Variants in FRMPD2 observed in about 807,000 individuals in gnomAD.
FRMPD2 encodes the protein FERM and PDZ domain-containing protein 2.
In FRMPD2, 96 loss-of-function variants were observed where a neutral mutation model predicts 140.1. The ratio of observed to expected loss-of-function variants is 0.69; its 90% confidence interval spans 0.58 to 0.81. The LOEUF (loss-of-function observed/expected upper bound fraction) is 0.81. Among genes scored for constraint, FRMPD2 ranks in the 40% least tolerant of loss-of-function variants. The pLI is 0.00. For synonymous variants in FRMPD2, 449 were observed against 547.6 expected (o/e 0.82, Z 2.52); for missense variants, 1,240 against 1,447.4 (o/e 0.86, Z 2.32).
At chr10:48,202,211 C>T (rs1444405931) in intron 14 of FRMPD2, among the ~76,000 whole-genome samples, 1 of 152,030 alleles carries the variant, frequency 6.6e-6, no homozygotes, top group Admixed American at 6.6e-5. Context: ...CAAATAAAAT[C>T]TTCATTCTAG....
chr10:48,251,762 C>T, intron 1 of FRMPD2, 71 bp from the exon 2 acceptor site: 1 of 1,580,644 alleles, frequency 6.3e-7, no homozygotes, highest in Non-Finnish European at 8.7e-7. Context: ...GTACTCGCCA[C>T]TCTGGTGCAG....
At chr10:48,205,468 A>G (rs959851020) in intron 14 of FRMPD2, among the ~76,000 whole-genome samples, 2 of 152,258 alleles carry the variant, frequency 1.3e-5, no homozygotes, top group Admixed American at 1.3e-4. Context: ...ATTACTTTTT[A>G]GGTTACCTGC....
chr10:48,240,480 C>T lies in FRMPD2; in HGVS notation c.580G>A (p.Val194Ile), dbSNP rs1458671122. The T allele has an allele frequency of 6.8e-6, 11 of 1,613,806 alleles. No homozygotes were observed. Among genetic ancestry groups the T allele is most frequent in the Non-Finnish European group, 9.3e-6 (11 of 1,180,020 alleles). Residue 194 changes from valine to isoleucine, a missense_variant, in exon 6 of 29, where the codon GTT (valine) becomes ATT (isoleucine). Transcript: ENST00000374201. ...TGCACAGAGGAGCTTTCCTCCACAA[C>T]TCTTTTCTCCACCTGGGGGTCAAGT... ...LGTISEVEKR[V>I]VEESSSVQQN... is the part of the protein sequence containing the mutation.
chr10:48,264,396 A>T (rs972425143), intron 1 of FRMPD2, among the ~76,000 whole-genome samples: 1 of 152,114 alleles, frequency 6.6e-6, no homozygotes, highest in East Asian at 1.9e-4. Flanking sequence ...TGAACAAAAA[A>T]CCTCCTAAAA....
chr10:48,176,075 T>A (rs1352721923), intron 22 of FRMPD2, 136 bp from the exon 23 acceptor site: 2 of 653,266 alleles, frequency 3.1e-6, no homozygotes, highest in Non-Finnish European at 5.7e-6. Flanking sequence ...CTGTCTTCTG[T>A]ATTCACCTGT....
intron 13 of FRMPD2, among the ~76,000 whole-genome samples, chr10:48,211,594 C>G (rs547764560): frequency 1.3e-5 from 2 of 152,034 alleles, no homozygotes; most frequent in South Asian, 4.1e-4. Context: ...ACCAGCCTGG[C>G]CAACATGGGA....
At chr10:48,187,170 C>A (rs368335151) in intron 17 of FRMPD2, 22 bp downstream of exon 17, 3 of 1,583,406 alleles carry the variant, frequency 1.9e-6, no homozygotes, top group African/African-American at 2.7e-5. Context: ...CACCCAAGAC[C>A]TGGTCGTGGC....
At chr10:48,210,979 C>G (rs1287027460) in intron 13 of FRMPD2, among the ~76,000 whole-genome samples, 3 of 152,260 alleles carry the variant, frequency 2.0e-5, no homozygotes, top group African/African-American at 7.2e-5. Flanking sequence ...TGTCCTCGCA[C>G]TTATCCCCCA....
At position 48,232,298 on chromosome 10, in the gene FRMPD2, A is replaced by G. The variant is rs748745645; in HGVS notation, c.994-9T>C. 1 of 1,600,458 alleles carries G rather than the reference A, an allele frequency of 6.2e-7. No homozygotes were observed. The highest frequency in any genetic ancestry group is 1.3e-5 in the African/African-American group (1 of 74,564). On this transcript the variant is annotated splice_polypyrimidine_tract_variant and intron_variant, in intron 9 of 28. Transcript: ENST00000374201. ...GATTTCCCTTTTTTGGTCTGAAAAC[A>G]ACAACAGTATCAATTATACTACAAT...
At position 48,192,752 on chromosome 10, in the gene FRMPD2, C is replaced by G. The variant is rs4838398; in HGVS notation, c.2097G>C (p.Leu699=). 3.7e-5 allele frequency: 60 copies of G among 1,614,050 alleles called. 1 individual carries two copies. In the Admixed American group the frequency reaches 9.0e-4, roughly 24 times the overall value. Residue 699 remains leucine (L), a synonymous_variant, in exon 16 of 29, where the codon CTG becomes CTC. Transcript: ENST00000374201. Reference sequence around the variant, plus strand: ...CGTTGAAGTTATCCATTGATGTACTCAGCAGGCCTCCTGCAGCACCCTGAA... The same window carrying G: ...CGTTGAAGTTATCCATTGATGTACTGAGCAGGCCTCCTGCAGCACCCTGAA... The part of the protein sequence containing the change: ...SRLQGAAGGL[L]STSMDNFNVD...
intron 2 of FRMPD2, 98 bp downstream of exon 2, chr10:48,251,468 G>T (rs547881202): frequency 2.8e-6 from 4 of 1,448,860 alleles, no homozygotes; most frequent in Non-Finnish European, 2.8e-6. Context: ...TGCTCTCAGA[G>T]GTTGATTTAA....
chr10:48,198,741 T>C (rs1304413264), intron 15 of FRMPD2, among the ~76,000 whole-genome samples: 3 of 152,238 alleles, frequency 2.0e-5, no homozygotes, highest in Non-Finnish European at 4.4e-5. Flanking sequence ...ATTTGTGTCA[T>C]CTCTGATTTC....
chr10:48,267,016 G>A (rs1314355338), intron 1 of FRMPD2, among the ~76,000 whole-genome samples: 2 of 152,150 alleles, frequency 1.3e-5, no homozygotes, highest in Admixed American at 1.3e-4. Flanking sequence ...TGAGTGGGGG[G>A]TCTAGACTTC....
intron 20 of FRMPD2, among the ~76,000 whole-genome samples, chr10:48,182,639 A>G (rs1417646417): frequency 6.6e-6 from 1 of 152,240 alleles, no homozygotes. Context: ...AGCATTGCCA[A>G]AAGGTGGCTG....
chr10:48,269,756 G>C (rs1167322202), intron 1 of FRMPD2, among the ~76,000 whole-genome samples: 2 of 152,198 alleles, frequency 1.3e-5, no homozygotes, highest in Non-Finnish European at 2.9e-5. Flanking sequence ...TAAAAATACT[G>C]GTTAGTGAAG....
At chr10:48,189,185 C>G (rs562796814) in intron 16 of FRMPD2, among the ~76,000 whole-genome samples, 46 of 152,334 alleles carry the variant, frequency 3.0e-4, no homozygotes, top group Admixed American at 2.6e-3. Flanking sequence ...CAAGGATATA[C>G]CAGGCACATT....
chr10:48,222,555 A>T (rs1839627023), intron 11 of FRMPD2, 104 bp from the exon 12 acceptor site: 2 of 1,163,646 alleles, frequency 1.7e-6, no homozygotes, highest in Non-Finnish European at 2.5e-6. Flanking sequence ...AGTAGGGAAG[A>T]CGAGATGCAA....
chr10:48,242,231 G>A lies in FRMPD2; in HGVS notation c.497C>T (p.Ser166Phe), dbSNP rs1840133385. The A allele has an allele frequency of 1.2e-6, 2 of 1,614,184 alleles. No individual in the cohort carries two copies. Among genetic ancestry groups the A allele is most frequent in the Non-Finnish European group, 8.5e-7 (1 of 1,180,024 alleles). Residue 166 changes from serine to phenylalanine, a missense_variant, in exon 5 of 29, where the codon TCT (serine) becomes TTT (phenylalanine). Ser to Phe is a radical substitution (Grantham distance 155, BLOSUM62 -2). Transcript: ENST00000374201. ...GAGACCAGCAGGGGCTGGGTAGACA[G>A]ACACTTCTTTCTCATGAACCCGACA... ...EACRVHEKEV[S>F]VYPAPAGLHI... is the part of the protein sequence containing the mutation.
chr10:48,273,082 C>T (rs920628449), intron 1 of FRMPD2, among the ~76,000 whole-genome samples: 5 of 151,962 alleles, frequency 3.3e-5, no homozygotes, highest in African/African-American at 1.2e-4. Context: ...CAATATACAT[C>T]CTTCATATCA....
Sources: gnomAD v4.1 joint callset for allele counts (sites outside exome capture counted in the v4.1 genomes callset) on GRCh38, gnomAD v4.1.1 for gene constraint, MANE v1.5 for transcripts, NCBI Gene and HGNC (gene_info 2026-07-23, HGNC 2026-07-21) for gene names.